The following ATRN variants were observed in gnomAD, a reference collection of about 807,000 sequenced individuals.
The protein encoded by ATRN is attractin.
Under a neutral mutation model 178.7 loss-of-function variants are expected in ATRN, and 54 were observed. The observed-to-expected ratio is 0.30, with a 90% CI of 0.24 to 0.38. The LOEUF is 0.38. Ranked by LOEUF, ATRN falls within the 10% of genes least tolerant of loss-of-function variation. The probability of loss-of-function intolerance (pLI) is 1.00; values close to 1 mark genes in which losing one functional copy is unlikely to be tolerated. For missense variants in ATRN, 1,443 were observed against 1,815.1 expected (o/e 0.79, Z 3.73); for synonymous variants, 636 against 663.0 (o/e 0.96, Z 0.63).
At chr20:3,500,526 G>A (rs1183058992) in intron 1 of ATRN, among the ~76,000 whole-genome samples, 2 of 151,768 alleles carry the variant, frequency 1.3e-5, no homozygotes, top group Non-Finnish European at 2.9e-5. Flanking sequence ...ATGAGTTCAT[G>A]TCCTTTGTAG....
At chr20:3,547,633 A>G (rs915309684) in intron 5 of ATRN, 144 bp downstream of exon 5, 21 of 737,118 alleles carry the variant, frequency 2.8e-5, no homozygotes, top group Non-Finnish European at 1.5e-5. Context: ...ACATCCCTCT[A>G]TCTAGCTGCT....
chr20:3,492,875 G>GCACACACACACA (rs376260361), intron 1 of ATRN, among the ~76,000 whole-genome samples: 1 of 106,792 alleles, frequency 9.4e-6, no homozygotes, highest in Non-Finnish European at 2.1e-5. Flanking sequence ...GCGTGCGCAC[G>GCACACACACACA]CACACACACA....
At chr20:3,508,787 G>A (rs1175926474) in intron 1 of ATRN, among the ~76,000 whole-genome samples, 1 of 152,124 alleles carries the variant, frequency 6.6e-6, no homozygotes, top group East Asian at 1.9e-4. Flanking sequence ...TTAGAATATA[G>A]AATTGAAATA....
chr20:3,511,531 G>A (rs539696418), intron 1 of ATRN, among the ~76,000 whole-genome samples: 3 of 152,044 alleles, frequency 2.0e-5, no homozygotes, highest in South Asian at 2.1e-4. Flanking sequence ...ATAGGAGGTC[G>A]AGAAACTATA....
intron 1 of ATRN, among the ~76,000 whole-genome samples, chr20:3,487,175 T>C (rs954180088): frequency 6.6e-6 from 1 of 152,206 alleles, no homozygotes; most frequent in South Asian, 2.1e-4. Flanking sequence ...AACTGGCTGC[T>C]TATTTTCATA....
intron 26 of ATRN, among the ~76,000 whole-genome samples, chr20:3,634,827 G>A (rs909734072): frequency 6.6e-6 from 1 of 152,192 alleles, no homozygotes; most frequent in Admixed American, 6.5e-5. Context: ...AAAGATAAAT[G>A]TGTGTGTAGT....
intron 11 of ATRN, among the ~76,000 whole-genome samples, chr20:3,569,534 A>T (rs1014476530): frequency 7.2e-5 from 11 of 152,238 alleles, no homozygotes; most frequent in African/African-American, 2.7e-4. Flanking sequence ...GTGAGTGAGT[A>T]GACTGTACAC....
chr20:3,601,697 C>CA (rs11475145), intron 23 of ATRN, among the ~76,000 whole-genome samples: 130 of 84,808 alleles, frequency 1.5e-3, no homozygotes, highest in African/African-American at 2.4e-3. Flanking sequence ...ACCCTGTCTA[C>CA]AAAAAAAAAA....
chr20:3,516,027 G>A (rs1344518147), intron 1 of ATRN, among the ~76,000 whole-genome samples: 2 of 152,168 alleles, frequency 1.3e-5, no homozygotes, highest in Admixed American at 6.5e-5. Context: ...TTAGGCACTG[G>A]AAATAGTCAA....
chr20:3,579,370 C>T (rs1214040883), intron 15 of ATRN, among the ~76,000 whole-genome samples: 1 of 152,106 alleles, frequency 6.6e-6, no homozygotes, highest in Non-Finnish European at 1.5e-5. Flanking sequence ...CCTGTAATCC[C>T]AGCTACTCAG....
rs891354217 is a variant in ATRN at position 3,644,088 on chromosome 20, C to G, written c.4051-66C>G. ...GATGGTTCTTATAAGCACAAATGACCGTTAAGTTGTCCGTATACATTAAAG... is the reference window on the plus strand; with the variant it reads ...GATGGTTCTTATAAGCACAAATGACGGTTAAGTTGTCCGTATACATTAAAG... On this transcript the variant is annotated intron_variant, in intron 27 of 28. Coordinates refer to ENST00000262919, the MANE Select transcript of ATRN (RefSeq NM_139321.3). 3.0e-5 allele frequency: 36 copies of G among 1,207,102 alleles called. No individual in the cohort carries two copies. In the East Asian group the frequency reaches 8.2e-4, roughly 27 times the overall value. 74.8% of individuals were successfully genotyped at this position (1,207,102 alleles called of 1,614,324 possible). A position where few individuals can be genotyped will look rare whatever the true frequency, so the allele number is the denominator to read the frequency against.
chr20:3,576,796 T>C, intron 13 of ATRN, 63 bp from the exon 14 acceptor site: 3 of 1,576,024 alleles, frequency 1.9e-6, no homozygotes, highest in Non-Finnish European at 2.6e-6. Context: ...AATATCCTGT[T>C]GGTCCTCACC....
chr20:3,545,881 T>C lies in ATRN; in HGVS notation c.728T>C (p.Ile243Thr). The change falls in exon 4 of 29, where the codon ATT becomes ACT. Residue 243 changes from isoleucine to threonine, a missense_variant. By Grantham distance (89) the Ile-to-Thr change is moderately conservative (BLOSUM62 -1). Transcript: ENST00000262919. ...DAAYNLTGFN[I>T]TYSFDMCPNN... ...GCTTATAATTTGACTGGATTTAATA[T>C]TACTTACAGGTAAGATACTTAAGTC... 6.2e-7 allele frequency: 1 copy of C among 1,613,720 alleles called. No homozygotes were observed. The highest frequency in any genetic ancestry group is 1.1e-5 in the South Asian group (1 of 91,074).
At chr20:3,623,716 A>C (rs975783633) in intron 24 of ATRN, among the ~76,000 whole-genome samples, 2 of 152,212 alleles carry the variant, frequency 1.3e-5, no homozygotes, top group African/African-American at 4.8e-5. Context: ...TCTGGCTAGT[A>C]GCACGTATAT....
chr20:3,575,690 A>C, intron 12 of ATRN, 137 bp from the exon 13 acceptor site: 1 of 964,882 alleles, frequency 1.0e-6, no homozygotes, highest in Non-Finnish European at 1.5e-6. Context: ...TAACCAGAAC[A>C]TACCAAATAT....
At chr20:3,503,070 G>A (rs1476778336) in intron 1 of ATRN, among the ~76,000 whole-genome samples, 1 of 152,062 alleles carries the variant, frequency 6.6e-6, no homozygotes, top group Admixed American at 6.6e-5. Context: ...GCCTGGCTCA[G>A]GGAACTTCTT....
intron 1 of ATRN, among the ~76,000 whole-genome samples, chr20:3,491,767 A>G (rs532903526): frequency 2.0e-5 from 3 of 147,120 alleles, no homozygotes; most frequent in East Asian, 3.9e-4. Flanking sequence ...TGTCTGTTCA[A>G]CCCCCAAAAC....
chr20:3,559,357 T>C (rs371318446), intron 6 of ATRN, 36 bp from the exon 7 acceptor site: 71 of 1,422,252 alleles, frequency 5.0e-5, no homozygotes, highest in Non-Finnish European at 5.7e-5. Context: ...TTCTGTCTTA[T>C]TAGTTGGGTG....
At chr20:3,583,814 AAAAAG>A (rs1167371682) in intron 16 of ATRN, 79 bp from the exon 17 acceptor site, 17 of 1,418,978 alleles carry the variant, frequency 1.2e-5, no homozygotes, top group Non-Finnish European at 1.5e-5. Flanking sequence ...CTCAAAAAAA[AAAAAG>A]AAAAGAAAGA....
Sources: gnomAD v4.1 joint callset for allele counts (sites outside exome capture counted in the v4.1 genomes callset) on GRCh38, gnomAD v4.1.1 for gene constraint, MANE v1.5 for transcripts, NCBI Gene and HGNC (gene_info 2026-07-23, HGNC 2026-07-21) for gene names.